NUP160: variants seen among roughly 807,000 people sequenced by gnomAD.
NUP160 encodes the protein nucleoporin 160.
Under a neutral mutation model 196.9 loss-of-function variants are expected in NUP160, and 94 were observed. That is an observed-to-expected ratio of 0.48 (90% CI 0.40 to 0.57). The LOEUF is 0.57. Ranked by LOEUF, NUP160 falls within the 20% of genes least tolerant of loss-of-function variation. The pLI, the probability that NUP160 is intolerant of heterozygous loss-of-function variation, is 0.00. For missense variants in NUP160, 1,638 were observed against 1,748.3 expected, an observed-to-expected ratio of 0.94 and a Z score of 1.13; for synonymous variants, 605 against 619.7, an observed-to-expected ratio of 0.98 and a Z score of 0.35.
At chr11:47,826,826 G>A (rs1160997799) in intron 7 of NUP160, among the ~76,000 whole-genome samples, 1 of 152,148 alleles carries the variant, frequency 6.6e-6, no homozygotes, top group African/African-American at 2.4e-5. Context: ...GCCTCCCAAA[G>A]TGTTGGGATT....
At chr11:47,834,351 C>T (rs1038869942) in intron 7 of NUP160, among the ~76,000 whole-genome samples, 1 of 152,098 alleles carries the variant, frequency 6.6e-6, no homozygotes, top group Non-Finnish European at 1.5e-5. Context: ...TCTCCTACCA[C>T]CCACAACCTA....
In NUP160 at chr11:47,837,636, C is replaced by A. The variant is rs780447702; in HGVS notation, c.749-13G>T. The A allele has an allele frequency of 6.2e-7, 1 of 1,607,980 alleles. No individual in the cohort carries two copies. Among genetic ancestry groups the A allele is most frequent in the African/African-American group, 1.3e-5 (1 of 74,770 alleles). On this transcript the variant is annotated splice_polypyrimidine_tract_variant and intron_variant, in intron 4 of 35. Coordinates refer to ENST00000378460, the Ensembl canonical transcript of NUP160. The stretch of plus-strand genomic sequence containing the variant: ...ACTGACACCATACCTGCAATGATAT[C>A]CAAGGCACCTCTTGAACACACTTAG...
intron 20 of NUP160, among the ~76,000 whole-genome samples, chr11:47,805,257 G>C (rs944095745): frequency 2.0e-5 from 3 of 151,758 alleles, no homozygotes; most frequent in Non-Finnish European, 4.4e-5. Flanking sequence ...AGCCTCCTGA[G>C]TAGCTGGGAC....
intron 13 of NUP160, among the ~76,000 whole-genome samples, chr11:47,814,703 GCTGTGGTTATTTAATAT>G (rs2097683322): frequency 6.6e-6 from 1 of 152,122 alleles, no homozygotes; most frequent in African/African-American, 2.4e-5. Flanking sequence ...TTTAAATTGG[GCTGTGGTTATTTAATAT>G]CTGTGTTCTT....
At chr11:47,812,456 T>C (rs1438376878) in intron 15 of NUP160, 27 bp from the exon 16 acceptor site, 3 of 1,601,746 alleles carry the variant, frequency 1.9e-6, no homozygotes, top group South Asian at 2.2e-5. Context: ...AAAACTCTTA[T>C]TACTACCGAG....
chr11:47,803,497 C>T (rs2097675610), exon 22 of NUP160: 2 of 1,612,496 alleles, frequency 1.2e-6, no homozygotes, highest in African/African-American at 2.7e-5. Context: ...CAGGAACCAA[C>T]ATTGACTTGA....
At chr11:47,814,070 CAAAAAAAAAA>C (rs5791787) in intron 13 of NUP160, among the ~76,000 whole-genome samples, 2 of 39,864 alleles carry the variant, frequency 5.0e-5, no homozygotes, top group African/African-American at 1.6e-4. Context: ...GACTCTGTCT[CAAAAAAAAAA>C]AAAAAAAAAA....
At chr11:47,847,762 TCTAGAATA>T in intron 2 of NUP160, 78 bp downstream of exon 2, 1 of 851,500 alleles carries the variant, frequency 1.2e-6, no homozygotes, top group Non-Finnish European at 2.0e-6. Context: ...AATTACCGCT[TCTAGAATA>T]GCACTTTGGG....
At chr11:47,822,802 G>T (rs928605072) in intron 7 of NUP160, among the ~76,000 whole-genome samples, 2 of 152,102 alleles carry the variant, frequency 1.3e-5, no homozygotes, top group Admixed American at 6.6e-5. Flanking sequence ...TCCCACCTAT[G>T]AGTGAGAACA....
At chr11:47,783,989 C>T (rs1407382467) in intron 33 of NUP160, among the ~76,000 whole-genome samples, 3 of 145,142 alleles carry the variant, frequency 2.1e-5, no homozygotes, top group East Asian at 4.0e-4. Context: ...TCACCGTGCC[C>T]GGCCTCCTTT....
At chr11:47,784,922 C>T in exon 33 of NUP160, 1 of 1,586,408 alleles carries the variant, frequency 6.3e-7, no homozygotes, top group South Asian at 1.2e-5. Context: ...ATCCGTTTAC[C>T]TTGTAACTGT....
At chr11:47,780,629 T>C (rs2097660171) in intron 34 of NUP160, among the ~76,000 whole-genome samples, 182 bp from the exon 35 acceptor site, 1 of 151,056 alleles carries the variant, frequency 6.6e-6, no homozygotes, top group South Asian at 2.1e-4. Flanking sequence ...CTCCGCCTCC[T>C]GGGCTCAAGC....
At position 47,824,052 on chromosome 11, in the gene NUP160, T is replaced by TATATAC. The variant is rs1391609379; in HGVS notation, c.1102-1889_1102-1888insGTATAT. Among the ~76,000 whole-genome samples the TATATAC allele has an allele frequency of 1.6e-3, 146 of 93,662 alleles. 1 individual carries two copies. Among genetic ancestry groups the TATATAC allele is most frequent in the Middle Eastern group, 5.3e-3 (1 of 188 alleles). 61.4% of individuals were successfully genotyped at this position (93,662 alleles called of 152,430 possible). A position where few individuals can be genotyped will look rare whatever the true frequency, so the allele number is the denominator to read the frequency against. ...ATATATATATATATATATATATATA[T>TATATAC]ACACACACACATAGAAGTGGAATTT... On this transcript the variant is annotated intron_variant, in intron 7 of 35. Transcript: ENST00000378460.
At chr11:47,798,561 G>C in intron 23 of NUP160, 98 bp from the exon 24 acceptor site, 1 of 696,598 alleles carries the variant, frequency 1.4e-6, no homozygotes, top group Non-Finnish European at 2.5e-6. Context: ...TAAGTAGGCC[G>C]GCATGGTGGC....
chr11:47,793,722 GTTTTTTTTTTTT>G (rs750497969), intron 27 of NUP160, among the ~76,000 whole-genome samples: 24 of 87,684 alleles, frequency 2.7e-4, no homozygotes, highest in Non-Finnish European at 4.1e-4. Context: ...TAAGATATCT[GTTTTTTTTTTTT>G]TTTTTTTTTT....
At chr11:47,797,676 A>C (rs996074723) in intron 27 of NUP160, 103 bp downstream of exon 27, 1 of 766,458 alleles carries the variant, frequency 1.3e-6, no homozygotes, top group African/African-American at 1.7e-5. Flanking sequence ...CTTGTACTTA[A>C]ACACATATTA....
intron 4 of NUP160, 29 bp from the exon 5 acceptor site, chr11:47,837,652 A>G: frequency 1.3e-6 from 2 of 1,576,258 alleles, no homozygotes; most frequent in Non-Finnish European, 8.7e-7. Context: ...CACCTCTTGA[A>G]CACACTTAGA....
intron 7 of NUP160, among the ~76,000 whole-genome samples, chr11:47,829,728 T>C (rs1376528593): frequency 1.3e-5 from 2 of 152,334 alleles, no homozygotes; most frequent in East Asian, 3.9e-4. Context: ...CAAGATGGAT[T>C]AAAGACTTAA....
At chr11:47,833,894 T>C (rs914905386) in intron 7 of NUP160, among the ~76,000 whole-genome samples, 1 of 152,244 alleles carries the variant, frequency 6.6e-6, no homozygotes, top group Non-Finnish European at 1.5e-5. Flanking sequence ...GGGAGGGGAC[T>C]CTTAGACGAT....
Sources: allele counts gnomAD v4.1 joint callset (sites outside exome capture counted in the v4.1 genomes callset), GRCh38; gene constraint gnomAD v4.1.1; transcripts MANE v1.5; gene names NCBI Gene and HGNC (gene_info 2026-07-23, HGNC 2026-07-21).